MAPK14: variants seen among roughly 807,000 people sequenced by gnomAD.
MAPK14 encodes the protein mitogen-activated protein kinase 14.
MAPK14 carries 16 observed loss-of-function variants against 49.6 expected under a neutral mutation model. The observed-to-expected ratio is 0.32, with a 90% confidence interval of 0.22 to 0.49. MAPK14 has a LOEUF of 0.49. MAPK14 is among the 20% of genes least tolerant of loss of function. The pLI, the probability that MAPK14 is intolerant of heterozygous loss-of-function variation, is 0.99. For missense variants in MAPK14, 200 were observed against 441.2 expected (o/e 0.45, Z 4.90); for synonymous variants, 142 against 158.0 (o/e 0.90, Z 0.76).
Position 36,027,846 on chromosome 6 carries a change from A to G in MAPK14, c.-312A>G, listed in dbSNP as rs994228897. 2 of 402,104 alleles carry G rather than the reference A, an allele frequency of 5.0e-6. No individual in the cohort carries two copies. Among genetic ancestry groups the G allele is most frequent in the Non-Finnish European group, 8.7e-6 (2 of 228,636 alleles). The allele number at this position is 402,104 out of a possible 1,614,324, so 24.9% of individuals were successfully genotyped here. ...CGGGCGCAGCAGCTGGAACGGGAGT[A>G]CTGCGACGCAGCCCGGAGTCGGCCT... On this transcript the variant is annotated 5_prime_UTR_variant, in exon 1 of 12. Coordinates refer to ENST00000229794, the MANE Select transcript of MAPK14 (RefSeq NM_139012.3).
intron 2 of MAPK14, among the ~76,000 whole-genome samples, chr6:36,053,976 T>C: frequency 7.8e-6 from 1 of 128,810 alleles, no homozygotes; most frequent in Non-Finnish European, 1.7e-5. Flanking sequence ...AGTATAATTT[T>C]ACTTAAGTAG....
At chr6:36,085,021 C>T (rs1194284528) in intron 8 of MAPK14, among the ~76,000 whole-genome samples, 1 of 152,178 alleles carries the variant, frequency 6.6e-6, no homozygotes, top group African/African-American at 2.4e-5. Flanking sequence ...GGCCAATATT[C>T]AACATTCTTA....
At position 36,108,808 on chromosome 6, in the gene MAPK14, C is replaced by A; in HGVS notation, c.*361C>A. Reference sequence around the variant, plus strand: ...AATATGAATTGTCCCCAATCCCGGTCATGCTTTTGCCACTTTGGCTTCTCC... The same window carrying A: ...AATATGAATTGTCCCCAATCCCGGTAATGCTTTTGCCACTTTGGCTTCTCC... On this transcript the variant is annotated 3_prime_UTR_variant, in exon 12 of 12. Transcript: ENST00000229794. The A allele has an allele frequency of 4.1e-6, 1 of 241,156 alleles. No homozygotes were observed. The highest frequency in any genetic ancestry group is 4.9e-5 in the South Asian group (1 of 20,268). The allele number at this position is 241,156 out of a possible 1,614,324, so 14.9% of individuals were successfully genotyped here.
chr6:36,115,788 C>T (rs2127481510), downstream of MAPK14, among the ~76,000 whole-genome samples: 1 of 152,270 alleles, frequency 6.6e-6, no homozygotes, highest in East Asian at 1.9e-4. Context: ...AATTAGTCAG[C>T]TGTGGTGGCA....
downstream of MAPK14, among the ~76,000 whole-genome samples, chr6:36,111,926 GC>G: frequency 6.6e-6 from 1 of 152,188 alleles, no homozygotes; most frequent in Non-Finnish European, 1.5e-5. Flanking sequence ...CAGACAGTTG[GC>G]CGGGCGTGGT....
chr6:36,089,881 AAG>A (rs1228371375), intron 8 of MAPK14, among the ~76,000 whole-genome samples: 10 of 152,240 alleles, frequency 6.6e-5, no homozygotes, highest in African/African-American at 1.9e-4. Context: ...CAGCTTAAGG[AAG>A]AGAGAAAGTT....
intron 1 of MAPK14, among the ~76,000 whole-genome samples, chr6:36,035,609 C>T (rs772021312): frequency 3.3e-5 from 5 of 152,232 alleles, no homozygotes; most frequent in African/African-American, 1.2e-4. Flanking sequence ...GAAAGCTAGG[C>T]TTCTTGTACC....
chr6:36,072,701 G>A (rs1764353403), intron 3 of MAPK14, among the ~76,000 whole-genome samples, 172 bp from the exon 4 acceptor site: 1 of 152,088 alleles, frequency 6.6e-6, no homozygotes. Flanking sequence ...GGAGGCAGAG[G>A]TTGTAGTGAG....
At chr6:36,072,515 C>T (rs911147917) in intron 3 of MAPK14, among the ~76,000 whole-genome samples, 10 of 151,860 alleles carry the variant, frequency 6.6e-5, no homozygotes, top group African/African-American at 2.2e-4. Flanking sequence ...GCTTGTAATC[C>T]CAGCACTTTG....
intron 9 of MAPK14, 44 bp from the exon 10 acceptor site, chr6:36,102,527 A>G (rs772857920): frequency 2.8e-6 from 4 of 1,429,028 alleles, no homozygotes; most frequent in Non-Finnish European, 3.9e-6. Context: ...TGAGAGCAGT[A>G]ACATTATTGA....
At chr6:36,089,049 A>C (rs542099116) in intron 8 of MAPK14, among the ~76,000 whole-genome samples, 1 of 152,350 alleles carries the variant, frequency 6.6e-6, no homozygotes, top group African/African-American at 2.4e-5. Flanking sequence ...CAATCCCATT[A>C]CTGGGTATAT....
chr6:36,100,787 ACTT>A (rs1480353288), intron 9 of MAPK14, among the ~76,000 whole-genome samples: 2 of 152,160 alleles, frequency 1.3e-5, no homozygotes, highest in East Asian at 3.8e-4. Context: ...ATTATTAACT[ACTT>A]AGTCTAACTC....
rs1765840906 is a variant in MAPK14 at position 36,107,723 on chromosome 6, T to G, written c.1015+95T>G. 1 of 826,904 alleles carries G rather than the reference T, an allele frequency of 1.2e-6. No individual in the cohort carries two copies. Among genetic ancestry groups the G allele is most frequent in the African/African-American group, 1.7e-5 (1 of 57,808 alleles). 51.2% of individuals were successfully genotyped at this position (826,904 alleles called of 1,614,324 possible). ...TGGTCATAACCAACTTGCTAAAGCT[T>G]GTAGATGAGGTCTCTAATGCAGAAT... On this transcript the variant is annotated intron_variant, in intron 11 of 11. Transcript: ENST00000229794. The surrounding 1 kb of genome is among the most constrained non-coding windows in gnomAD (Gnocchi z 4.3).
At chr6:36,095,505 G>T (rs189319866) in intron 8 of MAPK14, among the ~76,000 whole-genome samples, 1 of 152,250 alleles carries the variant, frequency 6.6e-6, no homozygotes, top group Non-Finnish European at 1.5e-5. Context: ...ACGCTTGGGA[G>T]AATATTCATA....
chr6:36,041,856 A>G (rs1156730616), intron 1 of MAPK14, among the ~76,000 whole-genome samples: 1 of 152,230 alleles, frequency 6.6e-6, no homozygotes, highest in Non-Finnish European at 1.5e-5. Context: ...ACCAATGTGT[A>G]AAAGAAATAG....
At chr6:36,039,370 C>T (rs1048887964) in intron 1 of MAPK14, among the ~76,000 whole-genome samples, 4 of 152,120 alleles carry the variant, frequency 2.6e-5, no homozygotes, top group African/African-American at 9.7e-5. Context: ...CATGTTGGCT[C>T]CTGTTATTTG....
intron 3 of MAPK14, among the ~76,000 whole-genome samples, chr6:36,060,153 T>C (rs1763755894): frequency 6.6e-6 from 1 of 152,196 alleles, no homozygotes; most frequent in Admixed American, 6.5e-5. Context: ...GTCACCACTA[T>C]GGACAATTGG....
intron 1 of MAPK14, among the ~76,000 whole-genome samples, chr6:36,038,428 G>A (rs1762832639): frequency 6.6e-6 from 1 of 152,194 alleles, no homozygotes; most frequent in Non-Finnish European, 1.5e-5. Context: ...ATCATGTAGG[G>A]TCTTATTTGC....
chr6:36,103,097 C>T (rs971963574), intron 10 of MAPK14, among the ~76,000 whole-genome samples: 3 of 152,102 alleles, frequency 2.0e-5, no homozygotes, highest in Non-Finnish European at 2.9e-5. Context: ...CGGTAGCTGC[C>T]GTTGCTACAG....
Sources: gnomAD v4.1 joint callset for allele counts (sites outside exome capture counted in the v4.1 genomes callset) on GRCh38, gnomAD v4.1.1 for gene constraint, Gnocchi (gnomAD v3.1) non-coding constraint, MANE v1.5 for transcripts, NCBI Gene and HGNC (gene_info 2026-07-23, HGNC 2026-07-21) for gene names.